The following CAMK1D variants were observed in gnomAD, a reference collection of about 807,000 sequenced individuals.
The protein encoded by CAMK1D is calcium/calmodulin dependent protein kinase ID.
Under a neutral mutation model 47.7 loss-of-function variants are expected in CAMK1D, and 9 were observed. The ratio of observed to expected loss-of-function variants is 0.19; its 90% confidence interval spans 0.11 to 0.33. The LOEUF is 0.33. Among genes scored for constraint, CAMK1D ranks in the 10% least tolerant of loss-of-function variants. The probability of loss-of-function intolerance (pLI) is 1.00; values close to 1 mark genes in which losing one functional copy is unlikely to be tolerated. For missense variants in CAMK1D, 291 were observed against 488.7 expected, an observed-to-expected ratio of 0.60 and a Z score of 3.81; for synonymous variants, 184 against 184.9, an observed-to-expected ratio of 0.99 and a Z score of 0.04.
intron 1 of CAMK1D, among the ~76,000 whole-genome samples, chr10:12,523,006 G>T (rs1283980688): frequency 6.7e-6 from 1 of 148,972 alleles, no homozygotes; most frequent in African/African-American, 2.5e-5. Flanking sequence ...CTGCCGGGCG[G>T]AGACGCTCCT....
intron 2 of CAMK1D, among the ~76,000 whole-genome samples, chr10:12,643,416 G>T (rs1020130741): frequency 1.3e-5 from 2 of 152,190 alleles, no homozygotes; most frequent in Non-Finnish European, 2.9e-5. Flanking sequence ...AGCAGGAGAC[G>T]AGCGGCAGGT....
intron 7 of CAMK1D, among the ~76,000 whole-genome samples, 177 bp downstream of exon 7, chr10:12,814,484 A>T (rs941431035): frequency 6.6e-6 from 1 of 152,162 alleles, no homozygotes; most frequent in East Asian, 1.9e-4. Context: ...GCAAACATTT[A>T]TTCCTCGCAG....
intron 1 of CAMK1D, among the ~76,000 whole-genome samples, chr10:12,535,337 G>T (rs576598261): frequency 1.8e-4 from 28 of 152,132 alleles, no homozygotes. Flanking sequence ...GTTTTTATTT[G>T]TTCAGTGTTT....
In CAMK1D at chr10:12,833,664, T is replaced by C. The variant is rs1252098461; in HGVS notation, c.*4777T>C. The stretch of plus-strand genomic sequence containing the variant: ...AGCACACGACTGGGATTCCTTTGGA[T>C]ATGAGAAAGGAAGGCAAGTGCGGGC... On this transcript the variant is annotated 3_prime_UTR_variant, in exon 11 of 11. Transcript: ENST00000619168. 6.6e-6 allele frequency: 1 copy of C among 152,208 alleles called. No individual in the cohort carries two copies. The highest frequency in any genetic ancestry group is 6.5e-5 in the Admixed American group (1 of 15,288). 9.4% of individuals were successfully genotyped at this position (152,208 alleles called of 1,614,324 possible). A position where few individuals can be genotyped will look rare whatever the true frequency, so the allele number is the denominator to read the frequency against.
At position 12,462,455 on chromosome 10, in the gene CAMK1D, C is replaced by T. The variant is rs187380004; in HGVS notation, c.93-90770C>T. Among the ~76,000 whole-genome samples, 797 of 144,436 alleles carry T rather than the reference C, an allele frequency of 5.5e-3. 4 individuals are homozygous for T. The highest frequency in any genetic ancestry group is 0.019 in the African/African-American group (739 of 38,904). 94.8% of individuals were successfully genotyped at this position (144,436 alleles called of 152,430 possible). A position where few individuals can be genotyped will look rare whatever the true frequency, so the allele number is the denominator to read the frequency against. ...CTGGGATTATAGGCATGAGCCACTG[C>T]GCCTGGCCAAGAATTTTTTTTTTTT... On this transcript the variant is annotated intron_variant, in intron 1 of 10. Coordinates refer to ENST00000619168, the MANE Select transcript of CAMK1D (RefSeq NM_153498.4).
chr10:12,555,739 CA>C (rs1836739014), intron 2 of CAMK1D, among the ~76,000 whole-genome samples: 1 of 152,186 alleles, frequency 6.6e-6, no homozygotes, highest in African/African-American at 2.4e-5. Flanking sequence ...ACGTTGGGCA[CA>C]GGGGCTGTCT....
chr10:12,542,293 C>T (rs1366873429), intron 1 of CAMK1D, among the ~76,000 whole-genome samples: 2 of 152,178 alleles, frequency 1.3e-5, no homozygotes, highest in Non-Finnish European at 2.9e-5. Flanking sequence ...GGGGTAACGT[C>T]TGCAGGCCCA....
chr10:12,770,204 G>A (rs1393079819), intron 5 of CAMK1D, among the ~76,000 whole-genome samples: 1 of 152,188 alleles, frequency 6.6e-6, no homozygotes, highest in East Asian at 1.9e-4. Context: ...TACTGAGATA[G>A]GAACATTGAT....
intron 1 of CAMK1D, among the ~76,000 whole-genome samples, chr10:12,400,051 C>T (rs751765909): frequency 4.6e-5 from 7 of 152,040 alleles, no homozygotes; most frequent in African/African-American, 7.3e-5. Flanking sequence ...ACGGCATTCA[C>T]GGCAACTTCT....
At chr10:12,361,636 AC>A (rs1837668067) in intron 1 of CAMK1D, among the ~76,000 whole-genome samples, 1 of 139,350 alleles carries the variant, frequency 7.2e-6, no homozygotes, top group Non-Finnish European at 1.5e-5. Flanking sequence ...GCTCACGGAA[AC>A]CTCTGCCTCC....
rs1489566318 is a variant in CAMK1D, at chr10:12,739,949, C to T, written c.300-20999C>T. 1.3e-5 allele frequency among the ~76,000 whole-genome samples: 2 copies of T among 152,236 alleles called. 1 individual carries two copies. The highest frequency in any genetic ancestry group is 3.9e-4 in the East Asian group (2 of 5,180). Reference sequence around the variant, plus strand: ...AGTTGCACAAATATTTTTGAAAAGTCAAAGATTTACTGTAGTAATGAATTG... The same window carrying T: ...AGTTGCACAAATATTTTTGAAAAGTTAAAGATTTACTGTAGTAATGAATTG... On this transcript the variant is annotated intron_variant, in intron 3 of 10. Transcript: ENST00000619168.
chr10:12,705,774 A>G (rs1440738175), intron 3 of CAMK1D, among the ~76,000 whole-genome samples: 1 of 152,202 alleles, frequency 6.6e-6, no homozygotes, highest in African/African-American at 2.4e-5. Context: ...AGTATGATGG[A>G]TGGTTCGTGC....
rs190822667 is a variant in CAMK1D at position 12,617,533 on chromosome 10, G to A, written c.225-49203G>A. On this transcript the variant is annotated intron_variant, in intron 2 of 10. Coordinates refer to ENST00000619168, the MANE Select transcript of CAMK1D (RefSeq NM_153498.4). ...GGCCAGAAAATAAGCGCACCCCAGG[G>A]CGAGGCAGTTTGTATTTTCTGCTTT... 3.7e-4 allele frequency among the ~76,000 whole-genome samples: 57 copies of A among 152,268 alleles called. 1 individual carries two copies. In the Middle Eastern group the frequency reaches 0.014, roughly 36 times the overall value.
In CAMK1D at chr10:12,777,311, A is replaced by G. The variant is rs144731911; in HGVS notation, c.565+7512A>G. On this transcript the variant is annotated intron_variant, in intron 5 of 10. Transcript: ENST00000619168. ...GGAGAAAGTGCTTCACATAGAAGTT[A>G]TCACATGTCAGTTGCTGCTACTGAG... 1.6e-3 allele frequency among the ~76,000 whole-genome samples: 232 copies of G among 149,106 alleles called. 1 individual carries two copies. The highest frequency in any genetic ancestry group is 5.5e-3 in the African/African-American group (220 of 40,212).
chr10:12,441,211 T>C (rs749241961), intron 1 of CAMK1D, among the ~76,000 whole-genome samples: 2 of 152,330 alleles, frequency 1.3e-5, no homozygotes, highest in Middle Eastern at 3.4e-3. Context: ...TTGTTTTCTT[T>C]CGGAGACAGA....
chr10:12,365,800 C>T (rs1372484449), intron 1 of CAMK1D, among the ~76,000 whole-genome samples: 4 of 152,210 alleles, frequency 2.6e-5, no homozygotes, highest in South Asian at 2.1e-4. Context: ...CGCCTGTAAT[C>T]CCAGCACTTT....
At chr10:12,616,170 G>GT (rs1276353614) in intron 2 of CAMK1D, among the ~76,000 whole-genome samples, 3 of 152,126 alleles carry the variant, frequency 2.0e-5, no homozygotes, top group Admixed American at 2.0e-4. Flanking sequence ...GTATATGTGT[G>GT]TAGTTTCATA....
chr10:12,564,119 GTC>G lies in CAMK1D; in HGVS notation c.224+10789_224+10790del, dbSNP rs765364710. ...GATAGATAGATCTGTCTGTCTAGAT[GTC>G]TCTCTCTCTCTCTCTCTCTCTCTCT... On this transcript the variant is annotated intron_variant, in intron 2 of 10. Transcript: ENST00000619168. 7.1e-3 allele frequency among the ~76,000 whole-genome samples: 906 copies of G among 127,232 alleles called. 4 individuals are homozygous for G. Among genetic ancestry groups the G allele is most frequent in the Middle Eastern group, 0.017 (4 of 240 alleles). 83.5% of individuals were successfully genotyped at this position (127,232 alleles called of 152,430 possible).
intron 1 of CAMK1D, among the ~76,000 whole-genome samples, chr10:12,484,381 G>A (rs1210781052): frequency 6.6e-6 from 1 of 152,218 alleles, no homozygotes; most frequent in African/African-American, 2.4e-5. Context: ...GAGATCCTGG[G>A]CTAAAACAGG....
Sources: gnomAD v4.1 joint callset for allele counts (sites outside exome capture counted in the v4.1 genomes callset) on GRCh38, gnomAD v4.1.1 for gene constraint, MANE v1.5 for transcripts, NCBI Gene and HGNC (gene_info 2026-07-23, HGNC 2026-07-21) for gene names.